The following ARID1B variants were observed in gnomAD, a reference collection of about 807,000 sequenced individuals.
ARID1B encodes the protein AT-rich interaction domain 1B.
Under a neutral mutation model 212.3 loss-of-function variants are expected in ARID1B, and 30 were observed. That is an observed-to-expected ratio of 0.14 (90% CI 0.11 to 0.19). ARID1B has a LOEUF of 0.19. ARID1B is among the 10% of genes least tolerant of loss of function. The pLI is 1.00. For synonymous variants in ARID1B, 1,402 were observed against 1,301.7 expected, an observed-to-expected ratio of 1.08 and a Z score of -1.66; for missense variants, 2,891 against 3,204.0, an observed-to-expected ratio of 0.90 and a Z score of 2.36.
intron 2 of ARID1B, among the ~76,000 whole-genome samples, chr6:156,831,873 T>C (rs2128054619): frequency 6.6e-6 from 1 of 152,378 alleles, no homozygotes; most frequent in South Asian, 2.1e-4. Flanking sequence ...AGGAAAATAG[T>C]ATATCTGGTA....
intron 5 of ARID1B, among the ~76,000 whole-genome samples, chr6:157,099,845 G>T (rs1785941080): frequency 1.3e-5 from 2 of 152,156 alleles, no homozygotes; most frequent in Admixed American, 1.3e-4. Context: ...TGTGAACGGT[G>T]CGTGGGAGCT....
chr6:156,929,596 C>T (rs570856094), intron 3 of ARID1B, among the ~76,000 whole-genome samples: 1 of 152,380 alleles, frequency 6.6e-6, no homozygotes, highest in East Asian at 1.9e-4. Flanking sequence ...TTCCCTCATT[C>T]TGAATTATTG....
Position 156,834,819 on chromosome 6 carries a change from A to C in ARID1B, c.1986+5398A>C, listed in dbSNP as rs76704081. 2.2e-3 allele frequency among the ~76,000 whole-genome samples: 340 copies of C among 152,350 alleles called. 1 individual carries two copies. Among genetic ancestry groups the C allele is most frequent in the Middle Eastern group, 6.8e-3 (2 of 294 alleles). ...CCTCAGTTGTTCTTCAGCAGTGAAC[A>C]TGAAGGTATTTAAGGTTTACCAGCA... On this transcript the variant is annotated intron_variant, in intron 2 of 19. Coordinates refer to ENST00000636930, the MANE Select transcript of ARID1B (RefSeq NM_001374828.1).
intron 4 of ARID1B, among the ~76,000 whole-genome samples, chr6:157,056,777 A>C (rs562037980): frequency 2.0e-5 from 3 of 152,160 alleles, no homozygotes; most frequent in Non-Finnish European, 4.4e-5. Flanking sequence ...GGAGCATATA[A>C]GGAGAAACTT....
chr6:156,935,331 T>TG, intron 3 of ARID1B, 135 bp from the exon 4 acceptor site: 1 of 692,512 alleles, frequency 1.4e-6, no homozygotes, highest in East Asian at 2.7e-5. Flanking sequence ...CTGCCTGCCT[T>TG]GATCTCCCGA....
chr6:157,162,729 G>A (rs1017887062), intron 8 of ARID1B, among the ~76,000 whole-genome samples: 4 of 152,316 alleles, frequency 2.6e-5, no homozygotes, highest in East Asian at 1.9e-4. Flanking sequence ...AGGAGGGAGC[G>A]GTGCTGTGGT....
At chr6:156,792,908 G>A (rs1780106200) in intron 1 of ARID1B, among the ~76,000 whole-genome samples, 1 of 152,194 alleles carries the variant, frequency 6.6e-6, no homozygotes, top group African/African-American at 2.4e-5. Context: ...TATGGGGGAA[G>A]CAGAATTATC....
intron 4 of ARID1B, among the ~76,000 whole-genome samples, chr6:157,033,067 ATATT>A (rs1781112004): frequency 6.6e-6 from 1 of 152,198 alleles, no homozygotes; most frequent in African/African-American, 2.4e-5. Flanking sequence ...ATCGTTTTAA[ATATT>A]TATTTTTATA....
intron 4 of ARID1B, among the ~76,000 whole-genome samples, chr6:156,964,957 C>T (rs773728264): frequency 4.6e-5 from 7 of 152,072 alleles, no homozygotes; most frequent in East Asian, 1.9e-4. Context: ...ATCTCAAAGC[C>T]GCATGATGGT....
intron 2 of ARID1B, among the ~76,000 whole-genome samples, chr6:156,883,086 TCAAG>T: frequency 6.6e-6 from 1 of 152,348 alleles, no homozygotes; most frequent in South Asian, 2.1e-4. Flanking sequence ...GGAGTTATAG[TCAAG>T]GAGTGTTTGT....
At position 157,181,183 on chromosome 6, in the gene ARID1B, G is replaced by A. The variant is rs2128317917; in HGVS notation, c.3714+5G>A. ...GAGATCGGGGGTTTGGCCCAGGTAA[G>A]AATGAGTGAGGGAGGGGGTGAAAAA... On this transcript the variant is annotated splice_donor_5th_base_variant and intron_variant, in intron 12 of 19. Coordinates refer to ENST00000636930, the MANE Select transcript of ARID1B (RefSeq NM_001374828.1). 3.1e-6 allele frequency: 5 copies of A among 1,613,680 alleles called. No homozygotes were observed. Among genetic ancestry groups the A allele is most frequent in the Non-Finnish European group, 4.2e-6 (5 of 1,179,596 alleles).
Position 157,200,663 on chromosome 6 carries a change from G to A in ARID1B, c.4480-42G>A. ...ATAATTTCAGTGTGTGATTATACCT[G>A]TAAGAGCACATCAGGATGATTTGTC... On this transcript the variant is annotated intron_variant, in intron 17 of 19. Transcript: ENST00000636930. This position sits in a 1 kb window ranked among gnomAD's most constrained non-coding sequence, Gnocchi z 4.3. The A allele has an allele frequency of 2.6e-6, 4 of 1,552,380 alleles. No individual in the cohort carries two copies. The highest frequency in any genetic ancestry group is 3.5e-6 in the Non-Finnish European group (4 of 1,150,612).
At chr6:157,137,670 C>T (rs372011924) in intron 7 of ARID1B, among the ~76,000 whole-genome samples, 1 of 152,078 alleles carries the variant, frequency 6.6e-6, no homozygotes, top group African/African-American at 2.4e-5. Context: ...GTAGAGTTAC[C>T]TTGGGCAAGT....
intron 2 of ARID1B, among the ~76,000 whole-genome samples, chr6:156,833,178 A>G (rs990501344): frequency 6.6e-6 from 1 of 152,078 alleles, no homozygotes; most frequent in Non-Finnish European, 1.5e-5. Context: ...AAGAGGCATA[A>G]TTTTTAAGGT....
intron 5 of ARID1B, among the ~76,000 whole-genome samples, chr6:157,088,481 C>T (rs1785088807): frequency 6.6e-6 from 1 of 152,188 alleles, no homozygotes; most frequent in African/African-American, 2.4e-5. Flanking sequence ...TTCCATTTCC[C>T]TCCACCTAGG....
chr6:156,934,238 G>A (rs567283384), intron 3 of ARID1B, among the ~76,000 whole-genome samples: 4 of 152,154 alleles, frequency 2.6e-5, no homozygotes, highest in Admixed American at 6.5e-5. Context: ...GCTATAATAA[G>A]TATTTAACAA....
In ARID1B at chr6:156,877,019, C is replaced by T. The variant is rs186457227; in HGVS notation, c.1987-24357C>T. On this transcript the variant is annotated intron_variant, in intron 2 of 19. Transcript: ENST00000636930. ...AAGCGATTCTCCTGCCTCAGCCTCCCGGAAATTAAATATTAAGATTTCTAT... is the reference window on the plus strand; with the variant it reads ...AAGCGATTCTCCTGCCTCAGCCTCCTGGAAATTAAATATTAAGATTTCTAT... Among the ~76,000 whole-genome samples the T allele has an allele frequency of 9.5e-4, 145 of 152,076 alleles. 1 individual carries two copies. In the East Asian group the frequency reaches 0.024, roughly 25 times the overall value.
intron 2 of ARID1B, among the ~76,000 whole-genome samples, chr6:156,894,459 T>C (rs1027110900): frequency 1.3e-5 from 2 of 152,202 alleles, no homozygotes; most frequent in Admixed American, 1.3e-4. Context: ...CTTCAAATGG[T>C]TAAAATGGTC....
In ARID1B at chr6:157,209,128, TAAAAAAA is replaced by T. The variant is rs545023901; in HGVS notation, c.*1245_*1251del. ...ATTTGTATTTCAAGATAATGTAGTTTAAAAAAAAAAAAAAGAAAAAAACTTGATGTAA... is the reference window on the plus strand; with the variant it reads ...ATTTGTATTTCAAGATAATGTAGTTTAAAAAAAGAAAAAAACTTGATGTAA... On this transcript the variant is annotated 3_prime_UTR_variant, in exon 20 of 20. Transcript: ENST00000636930. 18 of 207,584 alleles carry T rather than the reference TAAAAAAA, an allele frequency of 8.7e-5. No homozygotes were observed. The highest frequency in any genetic ancestry group is 4.1e-4 in the African/African-American group (17 of 41,894). 12.9% of individuals were successfully genotyped at this position (207,584 alleles called of 1,614,324 possible). A position where few individuals can be genotyped will look rare whatever the true frequency, so the allele number is the denominator to read the frequency against.
Sources: allele counts gnomAD v4.1 joint callset (sites outside exome capture counted in the v4.1 genomes callset), GRCh38; gene constraint gnomAD v4.1.1; non-coding constraint Gnocchi (gnomAD v3.1); transcripts MANE v1.5; gene names NCBI Gene and HGNC (gene_info 2026-07-23, HGNC 2026-07-21).